Variants in WDR41 observed in about 807,000 individuals in gnomAD.
WDR41 encodes WD repeat domain 41.
In WDR41, 63 loss-of-function variants were observed where a neutral mutation model predicts 69.3. The observed-to-expected ratio is 0.91, with a 90% CI of 0.74 to 1.12. WDR41 has a LOEUF of 1.12. Among genes scored for constraint, WDR41 ranks in the 50% most tolerant of loss-of-function variants. The probability of loss-of-function intolerance (pLI) is 0.00; values close to 1 mark genes in which losing one functional copy is unlikely to be tolerated. For synonymous variants in WDR41, 185 were observed against 192.1 expected, an observed-to-expected ratio of 0.96 and a Z score of 0.31; for missense variants, 543 against 534.5, an observed-to-expected ratio of 1.02 and a Z score of -0.16.
In WDR41 at chr5:77,526,265, T is replaced by A. The variant is rs951258035; in HGVS notation, c.43-36693A>T. On this transcript the variant is annotated intron_variant, in intron 1 of 5. Transcript: ENST00000509971. ...GCAAATTTCTGACATTATGTCTACG[T>A]CATTTCAACCTTAAATACTTCTGTG... Among the ~76,000 whole-genome samples the A allele has an allele frequency of 3.1e-4, 47 of 152,194 alleles. 1 individual carries two copies. The highest frequency in any genetic ancestry group is 1.0e-3 in the African/African-American group (42 of 41,560).
chr5:77,431,351 AGAT>A lies in WDR41; in HGVS notation c.*1781_*1783del, dbSNP rs1798715137. On this transcript the variant is annotated 3_prime_UTR_variant, in exon 13 of 13. Transcript: ENST00000296679. ...AAAGATTATGACTCGCTGAAGGCTC[AGAT>A]GATTGTTAGCATTTTTTAGCAATAA... The A allele has an allele frequency of 6.6e-6, 1 of 152,314 alleles. No homozygotes were observed. The highest frequency in any genetic ancestry group is 1.5e-5 in the Non-Finnish European group (1 of 68,060). The allele number at this position is 152,314 out of a possible 1,614,324, so 9.4% of individuals were successfully genotyped here. A position where few individuals can be genotyped will look rare whatever the true frequency, so the allele number is the denominator to read the frequency against.
chr5:77,563,372 AC>A (rs1453493900), intron 1 of WDR41, among the ~76,000 whole-genome samples: 16 of 152,100 alleles, frequency 1.1e-4, no homozygotes, highest in Admixed American at 1.1e-3. Context: ...AGACCCCTCT[AC>A]AGCCAACCCC....
intron 1 of WDR41, among the ~76,000 whole-genome samples, chr5:77,577,127 T>C (rs569145590): frequency 1.2e-4 from 19 of 152,234 alleles, no homozygotes; most frequent in African/African-American, 4.1e-4. Context: ...TAAATTTCTT[T>C]CATATTCTCA....
rs183921186 is a variant in WDR41 at position 77,580,540 on chromosome 5, C to A, written c.42+39939G>T. 1.5e-3 allele frequency among the ~76,000 whole-genome samples: 227 copies of A among 149,450 alleles called. 1 individual carries two copies. The highest frequency in any genetic ancestry group is 5.1e-3 in the Admixed American group (75 of 14,790). On this transcript the variant is annotated intron_variant, in intron 1 of 5. Transcript: ENST00000509971. ...AATCATATGGTAAATCCAAGAGCAA[C>A]CTCAAAAAATTACAAGAAAATATAG...
chr5:77,527,851 G>T (rs1802471567), intron 1 of WDR41, among the ~76,000 whole-genome samples: 1 of 151,598 alleles, frequency 6.6e-6, no homozygotes, highest in Admixed American at 6.6e-5. Context: ...AACAGCCAAA[G>T]AAAAAGTCAT....
chr5:77,435,475 G>GTT (rs1489992414), intron 12 of WDR41, among the ~76,000 whole-genome samples: 42 of 152,338 alleles, frequency 2.8e-4, no homozygotes, highest in Non-Finnish European at 1.5e-5. Context: ...AGCAGCCAGT[G>GTT]TTTAGCACAG....
At chr5:77,467,891 TA>T (rs1438774914) in intron 2 of WDR41, among the ~76,000 whole-genome samples, 2 of 152,124 alleles carry the variant, frequency 1.3e-5, no homozygotes, top group African/African-American at 4.8e-5. Context: ...TAAATTTCTA[TA>T]TTTTTTCATA....
rs551606395 is a variant in WDR41, at chr5:77,585,751, C to G, written c.42+34728G>C. Among the ~76,000 whole-genome samples the G allele has an allele frequency of 4.6e-5, 7 of 152,238 alleles. No homozygotes were observed. In the South Asian group the frequency reaches 1.5e-3, roughly 32 times the overall value. On this transcript the variant is annotated intron_variant, in intron 1 of 5. Coordinates refer to the WDR41 transcript ENST00000509971. ...GAAAATCAAACATCATATGTTCCCACTGATATGTAGGAGCTAAGCTATGAG... is the reference window on the plus strand; with the variant it reads ...GAAAATCAAACATCATATGTTCCCAGTGATATGTAGGAGCTAAGCTATGAG...
chr5:77,436,398 G>C lies in WDR41; in HGVS notation c.1094-4C>G, dbSNP rs748126113. On this transcript the variant is annotated splice_region_variant and splice_polypyrimidine_tract_variant and intron_variant, in intron 11 of 12. Coordinates refer to ENST00000296679, the MANE Select transcript of WDR41 (RefSeq NM_018268.4). ...AATCCCCACATGTTAAAAAAACCTA[G>C]AAAAAGAATCATTTCCAAAATTACT... 1 of 1,613,354 alleles carries C rather than the reference G, an allele frequency of 6.2e-7. No homozygotes were observed. The highest frequency in any genetic ancestry group is 8.5e-7 in the Non-Finnish European group (1 of 1,179,696).
At chr5:77,582,973 C>T (rs1743969011) in intron 1 of WDR41, 18 of 1,606,310 alleles carry the variant, frequency 1.1e-5, no homozygotes, top group South Asian at 2.2e-5. Context: ...TGTTGGAAAA[C>T]GCTTCAAAGA....
At chr5:77,586,593 T>A (rs1744043042) in intron 1 of WDR41, among the ~76,000 whole-genome samples, 1 of 151,752 alleles carries the variant, frequency 6.6e-6, no homozygotes, top group African/African-American at 2.4e-5. Context: ...AGGCATGAGC[T>A]ACCACACCTG....
intron 1 of WDR41, among the ~76,000 whole-genome samples, chr5:77,589,353 A>G (rs1036970135): frequency 1.3e-5 from 2 of 152,094 alleles, no homozygotes; most frequent in Non-Finnish European, 2.9e-5. Flanking sequence ...AGAGTTATTC[A>G]TTTTAGAATC....
intron 1 of WDR41, among the ~76,000 whole-genome samples, chr5:77,525,572 G>GT (rs1254457179): frequency 6.6e-6 from 1 of 152,134 alleles, no homozygotes; most frequent in Non-Finnish European, 1.5e-5. Context: ...GCTGAGCTGG[G>GT]TTATTAAATT....
At chr5:77,548,435 G>GA (rs1160087447) in intron 1 of WDR41, among the ~76,000 whole-genome samples, 1 of 151,744 alleles carries the variant, frequency 6.6e-6, no homozygotes, top group Non-Finnish European at 1.5e-5. Flanking sequence ...AAATCAATAA[G>GA]AAAAAAACAA....
chr5:77,534,869 T>A (rs950909774), intron 1 of WDR41, among the ~76,000 whole-genome samples: 2 of 152,150 alleles, frequency 1.3e-5, no homozygotes, highest in Non-Finnish European at 2.9e-5. Context: ...TGATGTGTAG[T>A]GGTTTTAGTG....
intron 1 of WDR41, among the ~76,000 whole-genome samples, chr5:77,619,785 T>G (rs1485122594): frequency 6.6e-6 from 1 of 152,094 alleles, no homozygotes; most frequent in Non-Finnish European, 1.5e-5. Flanking sequence ...ATAGTCTTAC[T>G]GGAAAGCCAG....
At chr5:77,575,181 C>A (rs1253244114) in intron 1 of WDR41, among the ~76,000 whole-genome samples, 1 of 152,054 alleles carries the variant, frequency 6.6e-6, no homozygotes, top group Non-Finnish European at 1.5e-5. Context: ...TGCTTTCTTC[C>A]ATCATTATAC....
Position 77,443,566 on chromosome 5 carries a change from T to C in WDR41, c.698-2569A>G, listed in dbSNP as rs1428649010. On this transcript the variant is annotated intron_variant, in intron 8 of 12. Coordinates refer to ENST00000296679, the MANE Select transcript of WDR41 (RefSeq NM_018268.4). ...TCATCTGTGGAGCAAAACGGGCTTC[T>C]AGTTTTAGTAGTGGGAAAGTTAAGG... 2.0e-5 allele frequency among the ~76,000 whole-genome samples: 3 copies of C among 152,334 alleles called. No homozygotes were observed. In the East Asian group the frequency reaches 5.8e-4, roughly 29 times the overall value.
chr5:77,439,516 G>A (rs1206514627), intron 9 of WDR41, among the ~76,000 whole-genome samples: 1 of 152,162 alleles, frequency 6.6e-6, no homozygotes, highest in African/African-American at 2.4e-5. Context: ...AAAATCCCCC[G>A]AAACTCATTC....
Sources: allele counts gnomAD v4.1 joint callset (sites outside exome capture counted in the v4.1 genomes callset), GRCh38; gene constraint gnomAD v4.1.1; transcripts MANE v1.5; gene names NCBI Gene and HGNC (gene_info 2026-07-23, HGNC 2026-07-21).